Variants in FMNL2 observed in about 807,000 individuals in gnomAD.
FMNL2 encodes formin like 2, also known as formin-like protein 2.
In FMNL2, 51 loss-of-function variants were observed where a neutral mutation model predicts 130.2. That is an observed-to-expected ratio of 0.39 (90% CI 0.31 to 0.49). The LOEUF is 0.49. Ranked by LOEUF, FMNL2 falls within the 20% of genes least tolerant of loss-of-function variation. FMNL2 has a pLI of 0.85. For missense variants in FMNL2, 977 were observed against 1,316.2 expected (o/e 0.74, Z 3.99); for synonymous variants, 465 against 467.1 (o/e 1.00, Z 0.06).
chr2:152,645,466 A>C (rs1258388081), intron 25 of FMNL2: 23 of 1,289,890 alleles, frequency 1.8e-5, no homozygotes, highest in Non-Finnish European at 2.2e-5. Flanking sequence ...TAAATTTCCA[A>C]ATGTTCACTC....
intron 1 of FMNL2, among the ~76,000 whole-genome samples, chr2:152,373,845 T>C (rs1057396067): frequency 6.6e-6 from 1 of 152,088 alleles, no homozygotes; most frequent in African/African-American, 2.4e-5. Flanking sequence ...AGAGTTCAAC[T>C]CGATTCATGA....
intron 2 of FMNL2, among the ~76,000 whole-genome samples, chr2:152,535,237 A>C (rs1037007996): frequency 3.3e-5 from 5 of 152,188 alleles, no homozygotes; most frequent in African/African-American, 1.2e-4. Context: ...TGAAGTTACT[A>C]CCACATATCC....
chr2:152,523,736 G>T (rs1220107157), intron 2 of FMNL2, among the ~76,000 whole-genome samples: 1 of 151,808 alleles, frequency 6.6e-6, no homozygotes, highest in East Asian at 1.9e-4. Flanking sequence ...TTTAATTTGG[G>T]GCATCCATTT....
intron 6 of FMNL2, among the ~76,000 whole-genome samples, chr2:152,565,020 G>A (rs1348851626): frequency 6.6e-6 from 1 of 152,104 alleles, no homozygotes. Context: ...AAATTAGAAT[G>A]TGGTGTGCCT....
chr2:152,632,070 G>T lies in FMNL2; in HGVS notation c.2613G>T (p.Val871=), dbSNP rs1682209247. The T allele has an allele frequency of 6.2e-7, 1 of 1,613,362 alleles. No individual in the cohort carries two copies. Among genetic ancestry groups the T allele is most frequent in the South Asian group, 1.1e-5 (1 of 90,876 alleles). The change falls in exon 21 of 26, where the codon GTG becomes GTT. Residue 871 remains valine, a synonymous_variant. Transcript: ENST00000288670. The part of the protein sequence containing the change: ...QTLLHYISNV[V]KEKYHQVSLF... ...TGTTGCACTATATATCCAATGTGGT[G>T]AAAGAAAAATATCACCAAGTGTCCC...
intron 2 of FMNL2, chr2:152,539,544 C>T (rs1694187968): frequency 1.3e-5 from 2 of 152,186 alleles, no homozygotes; most frequent in Admixed American, 1.3e-4. Context: ...AAGCATGAGG[C>T]TTCCTTATTT....
At chr2:152,463,194 C>T (rs752238466) in intron 1 of FMNL2, among the ~76,000 whole-genome samples, 1 of 152,166 alleles carries the variant, frequency 6.6e-6, no homozygotes, top group Admixed American at 6.5e-5. Context: ...TGGAGACCAA[C>T]ATTTATACTT....
At chr2:152,376,934 G>T (rs1326726764) in intron 1 of FMNL2, among the ~76,000 whole-genome samples, 1 of 152,198 alleles carries the variant, frequency 6.6e-6, no homozygotes, top group African/African-American at 2.4e-5. Context: ...AAACTCTGAG[G>T]ATTAGAGGAC....
chr2:152,638,386 C>G (rs1291263841), intron 23 of FMNL2, among the ~76,000 whole-genome samples: 1 of 152,186 alleles, frequency 6.6e-6, no homozygotes, highest in Non-Finnish European at 1.5e-5. Context: ...TCATGTAGCA[C>G]TGATAACACT....
chr2:152,373,740 G>C (rs562884994), intron 1 of FMNL2, among the ~76,000 whole-genome samples: 1 of 146,936 alleles, frequency 6.8e-6, no homozygotes, highest in South Asian at 2.2e-4. Flanking sequence ...TGAATATTTT[G>C]TATCCCTGCT....
chr2:152,498,662 G>T (rs948090110), intron 1 of FMNL2, among the ~76,000 whole-genome samples: 5 of 152,072 alleles, frequency 3.3e-5, no homozygotes, highest in African/African-American at 1.2e-4. Context: ...TCGATCTTCT[G>T]GCAGATTTTA....
At chr2:152,564,241 A>G (rs953557892) in intron 6 of FMNL2, among the ~76,000 whole-genome samples, 1 of 152,010 alleles carries the variant, frequency 6.6e-6, no homozygotes, top group Non-Finnish European at 1.5e-5. Context: ...TTTAATTAGT[A>G]TATGTCTTCT....
At chr2:152,634,999 C>A (rs948154438) in intron 21 of FMNL2, among the ~76,000 whole-genome samples, 13 of 151,950 alleles carry the variant, frequency 8.6e-5, no homozygotes, top group African/African-American at 3.1e-4. Flanking sequence ...CTGAGCTGGT[C>A]ATTGCTGATT....
intron 1 of FMNL2, among the ~76,000 whole-genome samples, chr2:152,498,298 G>C (rs1258481407): frequency 6.6e-6 from 1 of 152,164 alleles, no homozygotes; most frequent in Admixed American, 6.5e-5. Context: ...ATTTGAAAAA[G>C]TATTGTTATA....
chr2:152,362,623 G>T (rs535754156), intron 1 of FMNL2, among the ~76,000 whole-genome samples: 1 of 151,900 alleles, frequency 6.6e-6, no homozygotes, highest in East Asian at 1.9e-4. Flanking sequence ...AAGGTCCTGA[G>T]TGCCTTGTGG....
chr2:152,628,662 G>T, intron 18 of FMNL2, 129 bp downstream of exon 18: 1 of 753,682 alleles, frequency 1.3e-6, no homozygotes, highest in South Asian at 1.8e-5. Context: ...TTTCTAAATT[G>T]CATTTTTATT....
chr2:152,613,606 A>G (rs1698796589), intron 11 of FMNL2, among the ~76,000 whole-genome samples: 1 of 152,216 alleles, frequency 6.6e-6, no homozygotes, highest in Non-Finnish European at 1.5e-5. Flanking sequence ...TCTCTTAAAA[A>G]TGTAAGATTT....
chr2:152,421,014 G>A (rs758591966), intron 1 of FMNL2, among the ~76,000 whole-genome samples: 1 of 152,164 alleles, frequency 6.6e-6, no homozygotes, highest in African/African-American at 2.4e-5. Flanking sequence ...AACGCATCTT[G>A]TATGTGGGGA....
intron 6 of FMNL2, among the ~76,000 whole-genome samples, chr2:152,570,217 T>A (rs16831385): frequency 0.022 from 3,321 of 152,330 alleles, 115 homozygotes; most frequent in African/African-American, 0.075. Flanking sequence ...TTGTAATCTG[T>A]AATCTGCTTC....
Sources: allele counts gnomAD v4.1 joint callset (sites outside exome capture counted in the v4.1 genomes callset), GRCh38; gene constraint gnomAD v4.1.1; transcripts MANE v1.5; gene names NCBI Gene and HGNC (gene_info 2026-07-23, HGNC 2026-07-21).